The following ZNF426 variants were observed in gnomAD, a reference collection of about 807,000 sequenced individuals.
The protein encoded by ZNF426 is zinc finger protein 426, also known as CTC-543D15.7.
A neutral mutation model predicts 24.0 loss-of-function variants in ZNF426; 23 were observed. That is an observed-to-expected ratio of 0.96 (90% CI 0.69 to 1.36). The LOEUF (loss-of-function observed/expected upper bound fraction) is 1.36. ZNF426 is among the 40% of genes most tolerant of loss of function. ZNF426 has a pLI of 0.00. For missense variants in ZNF426, 646 were observed against 658.4 expected (o/e 0.98, Z 0.21); for synonymous variants, 272 against 224.6 (o/e 1.21, Z -1.89).
intron 6 of ZNF426, among the ~76,000 whole-genome samples, chr19:9,532,120 G>A (rs1411730327): frequency 6.6e-6 from 1 of 152,072 alleles, no homozygotes; most frequent in Non-Finnish European, 1.5e-5. Context: ...TGAGATGACC[G>A]CTACGTGACT....
At position 9,526,169 on chromosome 19, in the gene ZNF426, TATC is replaced by T. The variant is rs1404932118; in HGVS notation, c.*2208_*2210del. 8 of 151,398 alleles carry T rather than the reference TATC, an allele frequency of 5.3e-5. No individual in the cohort carries two copies. In the South Asian group the frequency reaches 1.5e-3, roughly 28 times the overall value. 9.4% of individuals were successfully genotyped at this position (151,398 alleles called of 1,614,324 possible). The stretch of plus-strand genomic sequence containing the variant: ...GAATGCTGCCCCTCTCCCCACAGCT[TATC>T]ATGATTACTAGAGGCCTGCTTACAG... On this transcript the variant is annotated 3_prime_UTR_variant, in exon 8 of 8. Transcript: ENST00000253115.
chr19:9,529,041 G>T lies in ZNF426; in HGVS notation c.1004C>A (p.Pro335His). ...IHGRTHTGEKPYVCKECGKAF... is the reference protein window; with the variant it reads ...IHGRTHTGEKHYVCKECGKAF... ...TTTCCCACATTCCTTACATACATAG[G>T]GTTTCTCTCCAGTGTGAGTTCTTCC... Residue 335 changes from proline (P) to histidine (H), a missense_variant, in exon 8 of 8, where the codon CCC becomes CAC. Physicochemically the swap from Pro to His is moderately conservative, Grantham distance 77. Transcript: ENST00000253115. 1 of 1,613,634 alleles carries T rather than the reference G, an allele frequency of 6.2e-7. No individual in the cohort carries two copies. The highest frequency in any genetic ancestry group is 8.5e-7 in the Non-Finnish European group (1 of 1,179,786).
At chr19:9,531,969 A>G (rs2073891549) in intron 6 of ZNF426, among the ~76,000 whole-genome samples, 1 of 152,204 alleles carries the variant, frequency 6.6e-6, no homozygotes, top group African/African-American at 2.4e-5. Context: ...TGGGCGACAG[A>G]GCAAGACTCC....
At chr19:9,536,567 C>CA (rs1052926589) in intron 2 of ZNF426, 333 of 310,434 alleles carry the variant, frequency 1.1e-3, no homozygotes, top group South Asian at 3.7e-3. Context: ...AGTAAACAAA[C>CA]AAAAAAAAAT....
Position 9,528,442 on chromosome 19 carries a change from G to A in ZNF426, c.1603C>T (p.Gln535Ter). The A allele has an allele frequency of 6.2e-7, 1 of 1,612,492 alleles. No homozygotes were observed. Among genetic ancestry groups the A allele is most frequent in the Non-Finnish European group, 8.5e-7 (1 of 1,179,502 alleles). ...THTEEKPYKC[Q>*]QCGKAYSHPR... Reference sequence around the variant, plus strand: ...TGACTGTAAGCTTTCCCGCATTGCTGACATTTATAGGGTTTCTCTTCTGTG... The same window carrying A: ...TGACTGTAAGCTTTCCCGCATTGCTAACATTTATAGGGTTTCTCTTCTGTG... The change falls in exon 8 of 8, where the codon CAG becomes TAG. Residue 535 changes from glutamine to a stop codon, truncating the protein, a stop_gained. Coordinates refer to ENST00000253115, the MANE Select transcript of ZNF426 (RefSeq NM_024106.3). LOFTEE classifies it low-confidence loss of function (END_TRUNC).
Position 9,529,350 on chromosome 19 carries a change from G to A in ZNF426, c.695C>T (p.Ser232Phe), listed in dbSNP as rs762270177. 1.9e-6 allele frequency: 3 copies of A among 1,614,166 alleles called. No homozygotes were observed. Among genetic ancestry groups the A allele is most frequent in the Admixed American group, 3.3e-5 (2 of 60,012 alleles). Reference protein sequence around the residue: ...KSFECSHCGKSFINESYLQAH... With the variant: ...KSFECSHCGKFFINESYLQAH... Reference sequence around the variant, plus strand: ...CTGAAGGTATGACTCATTAATGAAGGATTTTCCACAGTGACTACATTCAAA... The same window carrying A: ...CTGAAGGTATGACTCATTAATGAAGAATTTTCCACAGTGACTACATTCAAA... Residue 232 changes from serine (S) to phenylalanine (F), a missense_variant, in exon 8 of 8, where the codon TCC becomes TTC. By Grantham distance (155) the Ser-to-Phe change is radical. Coordinates refer to ENST00000253115, the MANE Select transcript of ZNF426 (RefSeq NM_024106.3).
chr19:9,538,189 G>A (rs1027604741), intron 2 of ZNF426, 70 bp downstream of exon 2: 2 of 152,126 alleles, frequency 1.3e-5, no homozygotes, highest in Non-Finnish European at 2.9e-5. Flanking sequence ...CAAACTTACA[G>A]ATGAAACATT....
intron 6 of ZNF426, among the ~76,000 whole-genome samples, chr19:9,532,339 C>T (rs564706329): frequency 6.7e-6 from 1 of 148,680 alleles, no homozygotes; most frequent in East Asian, 2.0e-4. Flanking sequence ...CTCTATCACC[C>T]AGGCTGGAGT....
In ZNF426 at chr19:9,531,592, G is replaced by A. The variant is rs75446675; in HGVS notation, c.326-525C>T. Among the ~76,000 whole-genome samples the A allele has an allele frequency of 2.1e-3, 315 of 152,206 alleles. 3 individuals carry two copies. The East Asian group carries it at 0.033, about 16-fold the overall frequency. ...GGACATGGGGTAAAACTTTTCGATCGTTTATTACAAATTGATGCTATGAAA... is the reference window on the plus strand; with the variant it reads ...GGACATGGGGTAAAACTTTTCGATCATTTATTACAAATTGATGCTATGAAA... On this transcript the variant is annotated intron_variant, in intron 6 of 7. Transcript: ENST00000253115.
chr19:9,526,210 T>G lies in ZNF426; in HGVS notation c.*2170A>C, dbSNP rs2073790529. 6.6e-6 allele frequency: 1 copy of G among 150,756 alleles called. No individual in the cohort carries two copies. The highest frequency in any genetic ancestry group is 6.7e-5 in the Admixed American group (1 of 14,888). The allele number at this position is 150,756 out of a possible 1,614,324, so 9.3% of individuals were successfully genotyped here. ...GGCCTGCTTACAGCATTTCCTCTTA[T>G]CCAGTATGCCATGTCCAGCTAAGGA... On this transcript the variant is annotated 3_prime_UTR_variant, in exon 8 of 8. Transcript: ENST00000253115.
rs137949234 is a variant in ZNF426 at position 9,531,124 on chromosome 19, C to T, written c.326-57G>A. On this transcript the variant is annotated intron_variant, in intron 6 of 7. Transcript: ENST00000253115. ...CTCAAGCTAGGCACAGTGGCTCATG[C>T]CTGTAATCCCAGCACTTTGGGAGGC... The T allele has an allele frequency of 6.4e-3, 9,013 of 1,400,038 alleles. 48 individuals are homozygous for T. The highest frequency in any genetic ancestry group is 0.012 in the Middle Eastern group (68 of 5,624). The allele number at this position is 1,400,038 out of a possible 1,614,324, so 86.7% of individuals were successfully genotyped here. A position where few individuals can be genotyped will look rare whatever the true frequency, so the allele number is the denominator to read the frequency against.
Position 9,524,912 on chromosome 19 carries a change from C to T in ZNF426, c.*3468G>A, listed in dbSNP as rs536208684. 6.6e-6 allele frequency: 1 copy of T among 151,326 alleles called. No homozygotes were observed. The highest frequency in any genetic ancestry group is 2.4e-5 in the African/African-American group (1 of 41,332). 9.4% of individuals were successfully genotyped at this position (151,326 alleles called of 1,614,324 possible). A position where few individuals can be genotyped will look rare whatever the true frequency, so the allele number is the denominator to read the frequency against. On this transcript the variant is annotated 3_prime_UTR_variant, in exon 8 of 8. Coordinates refer to ENST00000253115, the MANE Select transcript of ZNF426 (RefSeq NM_024106.3). ...AACTAGGTTTTTCAACATTGCTTTA[C>T]ATTTTCAGGGTTTTTCTTCAGTGAG...
intron 4 of ZNF426, 22 bp from the exon 5 acceptor site, chr19:9,533,988 G>A: frequency 6.2e-7 from 1 of 1,608,620 alleles, no homozygotes; most frequent in Non-Finnish European, 8.5e-7. Context: ...CACACATGCT[G>A]GTTGGAGCCA....
At chr19:9,537,345 C>T (rs1341486819) in intron 2 of ZNF426, among the ~76,000 whole-genome samples, 3 of 152,064 alleles carry the variant, frequency 2.0e-5, no homozygotes, top group Non-Finnish European at 2.9e-5. Context: ...GTTCTGGACT[C>T]CTGGTATAGA....
chr19:9,528,912 C>T lies in ZNF426; in HGVS notation c.1133G>A (p.Arg378His), dbSNP rs143787580. 4.5e-5 allele frequency: 73 copies of T among 1,613,568 alleles called. No homozygotes were observed. The highest frequency in any genetic ancestry group is 2.7e-4 in the African/African-American group (20 of 74,830). ...ECGKSFLTSS[R>H]LIQHIRTHTG... ...GTGAGTTCTTATATGTTGAATAAGG[C>T]GTGAGGATGTAAGGAAGGATTTCCC... Residue 378 changes from arginine (R) to histidine (H), a missense_variant, in exon 8 of 8, where the codon CGC becomes CAC. Coordinates refer to ENST00000253115, the MANE Select transcript of ZNF426 (RefSeq NM_024106.3).
Position 9,525,635 on chromosome 19 carries a change from CG to C in ZNF426, c.*2744del. ...CCAAGTAGCTGGGACTACAGGTGCC[CG>C]CCACCACACCCAGCTAATTTTTTTG... On this transcript the variant is annotated 3_prime_UTR_variant, in exon 8 of 8. Transcript: ENST00000253115. The C allele has an allele frequency of 6.6e-6, 1 of 151,768 alleles. No individual in the cohort carries two copies. Among genetic ancestry groups the C allele is most frequent in the South Asian group, 2.1e-4 (1 of 4,790 alleles). 9.4% of individuals were successfully genotyped at this position (151,768 alleles called of 1,614,324 possible).
At chr19:9,536,604 A>G in intron 2 of ZNF426, 1 of 269,382 alleles carries the variant, frequency 3.7e-6, no homozygotes, top group East Asian at 9.3e-5. Flanking sequence ...ACCTGAATGC[A>G]AGTACAAGTT....
Position 9,536,368 on chromosome 19 carries a change from A to C in ZNF426, c.-124-12T>G. On this transcript the variant is annotated splice_polypyrimidine_tract_variant and intron_variant, in intron 2 of 7. Coordinates refer to ENST00000253115, the MANE Select transcript of ZNF426 (RefSeq NM_024106.3). Reference sequence around the variant, plus strand: ...GGTTATTGGGATTCCTGTTGGTATTAATCAATAATCAACAAGCAGTACTTA... The same window carrying C: ...GGTTATTGGGATTCCTGTTGGTATTCATCAATAATCAACAAGCAGTACTTA... 6.4e-7 allele frequency: 1 copy of C among 1,569,238 alleles called. No homozygotes were observed. The highest frequency in any genetic ancestry group is 1.3e-5 in the African/African-American group (1 of 74,082).
At position 9,536,365 on chromosome 19, in the gene ZNF426, A is replaced by G; in HGVS notation, c.-124-9T>C. ...CAGGGTTATTGGGATTCCTGTTGGT[A>G]TTAATCAATAATCAACAAGCAGTAC... On this transcript the variant is annotated splice_polypyrimidine_tract_variant and intron_variant, in intron 2 of 7. Coordinates refer to ENST00000253115, the MANE Select transcript of ZNF426 (RefSeq NM_024106.3). The G allele has an allele frequency of 6.3e-7, 1 of 1,576,956 alleles. No homozygotes were observed. The highest frequency in any genetic ancestry group is 1.2e-5 in the South Asian group (1 of 86,748).
Sources: allele counts gnomAD v4.1 joint callset (sites outside exome capture counted in the v4.1 genomes callset), GRCh38; gene constraint gnomAD v4.1.1; transcripts MANE v1.5; gene names NCBI Gene and HGNC (gene_info 2026-07-23, HGNC 2026-07-21).